Variants in ADGRL3 observed in about 807,000 individuals in gnomAD.
The protein encoded by ADGRL3 is calcium-independent alpha-latrotoxin receptor 3.
Under a neutral mutation model 153.5 loss-of-function variants are expected in ADGRL3, and 62 were observed. The observed-to-expected ratio is 0.40, with a 90% CI of 0.33 to 0.50. ADGRL3 has a LOEUF of 0.50. Among genes scored for constraint, ADGRL3 ranks in the 20% least tolerant of loss-of-function variants. ADGRL3 has a pLI of 0.47. For missense variants in ADGRL3, 1,641 were observed against 1,859.4 expected (o/e 0.88, Z 2.16); for synonymous variants, 710 against 672.5 (o/e 1.06, Z -0.86).
intron 5 of ADGRL3, among the ~76,000 whole-genome samples, chr4:61,590,997 A>G (rs1288715424): frequency 3.3e-5 from 5 of 152,184 alleles, no homozygotes; most frequent in Non-Finnish European, 7.4e-5. Flanking sequence ...GTACACCTCA[A>G]TGAATTTTCA....
chr4:61,707,532 T>C (rs1385406668), intron 6 of ADGRL3, among the ~76,000 whole-genome samples: 1 of 152,214 alleles, frequency 6.6e-6, no homozygotes, highest in Admixed American at 6.5e-5. Context: ...AGTTAGTTCA[T>C]ATTATTTTTT....
At chr4:61,581,898 C>A (rs1394060595) in intron 4 of ADGRL3, among the ~76,000 whole-genome samples, 1 of 152,052 alleles carries the variant, frequency 6.6e-6, no homozygotes, top group African/African-American at 2.4e-5. Flanking sequence ...CTATTTAAAA[C>A]AACCATCTTT....
chr4:61,677,021 C>A, intron 6 of ADGRL3, 86 bp downstream of exon 6: 1 of 868,794 alleles, frequency 1.2e-6, no homozygotes, highest in Non-Finnish European at 1.9e-6. Flanking sequence ...TCTATGAAAA[C>A]ATAAATCACG....
At chr4:61,491,034 A>G (rs188544282) in intron 2 of ADGRL3, among the ~76,000 whole-genome samples, 47 of 152,284 alleles carry the variant, frequency 3.1e-4, no homozygotes, top group East Asian at 7.7e-4. Context: ...CATACCAAAT[A>G]TATTAACATT....
chr4:61,547,754 C>G (rs531001674), intron 4 of ADGRL3, among the ~76,000 whole-genome samples: 1 of 151,998 alleles, frequency 6.6e-6, no homozygotes, highest in East Asian at 1.9e-4. Context: ...ATTTATATTC[C>G]TTTGGGTATA....
At chr4:61,324,757 AG>A (rs1254688047) in intron 1 of ADGRL3, among the ~76,000 whole-genome samples, 2 of 152,170 alleles carry the variant, frequency 1.3e-5, no homozygotes, top group Non-Finnish European at 2.9e-5. Context: ...TTTAGATTTA[AG>A]ATTTTTAACA....
At chr4:61,863,710 T>G (rs1359845697) in intron 9 of ADGRL3, among the ~76,000 whole-genome samples, 2 of 152,218 alleles carry the variant, frequency 1.3e-5, no homozygotes, top group Admixed American at 6.5e-5. Context: ...GGGAGGAATT[T>G]AGGCATTTTG....
intron 2 of ADGRL3, among the ~76,000 whole-genome samples, chr4:61,410,294 A>G (rs1010344956): frequency 1.3e-5 from 2 of 152,114 alleles, no homozygotes; most frequent in African/African-American, 4.8e-5. Flanking sequence ...ATTCTTGTAT[A>G]TTCTCAACGA....
intron 2 of ADGRL3, among the ~76,000 whole-genome samples, chr4:61,424,329 C>T (rs1384083900): frequency 1.3e-5 from 2 of 152,144 alleles, no homozygotes. Flanking sequence ...GCCGCACAGC[C>T]ATTTTCCTTA....
chr4:61,225,914 T>A (rs1747739478), intron 1 of ADGRL3, among the ~76,000 whole-genome samples: 2 of 152,194 alleles, frequency 1.3e-5, no homozygotes, highest in Non-Finnish European at 2.9e-5. Context: ...ATTTCCCTTG[T>A]CTTCTTTAAT....
chr4:62,001,985 A>G (rs1219835229), intron 21 of ADGRL3, among the ~76,000 whole-genome samples: 1 of 152,004 alleles, frequency 6.6e-6, no homozygotes, highest in Non-Finnish European at 1.5e-5. Context: ...GTTCTTTCAC[A>G]CACATATATC....
intron 5 of ADGRL3, among the ~76,000 whole-genome samples, chr4:61,656,426 G>T (rs149452978): frequency 0.01 from 1,578 of 152,100 alleles, 31 homozygotes; most frequent in African/African-American, 0.035. Context: ...GCATGCAATG[G>T]CCTCAAGAAG....
chr4:61,404,469 A>T (rs927382365), intron 2 of ADGRL3, among the ~76,000 whole-genome samples: 1 of 152,052 alleles, frequency 6.6e-6, no homozygotes, highest in Non-Finnish European at 1.5e-5. Context: ...GAATAAATCC[A>T]TGGGCTATAA....
At chr4:61,749,475 A>G (rs1241940791) in intron 8 of ADGRL3, among the ~76,000 whole-genome samples, 1 of 152,206 alleles carries the variant, frequency 6.6e-6, no homozygotes, top group Non-Finnish European at 1.5e-5. Context: ...TCCAACAATG[A>G]TAGACTGGAT....
chr4:61,757,358 T>C (rs1002325012), intron 8 of ADGRL3, among the ~76,000 whole-genome samples: 2 of 152,222 alleles, frequency 1.3e-5, no homozygotes, highest in African/African-American at 2.4e-5. Context: ...GGAGGGTGTA[T>C]GTGTTGAGGA....
At chr4:61,374,756 C>T (rs1297432021) in intron 1 of ADGRL3, among the ~76,000 whole-genome samples, 1 of 152,022 alleles carries the variant, frequency 6.6e-6, no homozygotes, top group Admixed American at 6.6e-5. Context: ...TTATTTCCTT[C>T]TTTCTGCTTT....
intron 2 of ADGRL3, among the ~76,000 whole-genome samples, chr4:61,428,894 CATCTATCT>C (rs5858699): frequency 0.16 from 15,814 of 97,270 alleles, 1,054 homozygotes; most frequent in East Asian, 0.27. Context: ...CTATCTATAT[CATCTATCT>C]ATCTATCTAT....
intron 1 of ADGRL3, among the ~76,000 whole-genome samples, chr4:61,333,079 G>A (rs2150995712): frequency 6.6e-6 from 1 of 152,002 alleles, no homozygotes; most frequent in African/African-American, 2.4e-5. Flanking sequence ...ATTTTTATCT[G>A]TAGATAAAAA....
chr4:61,486,545 C>CAT (rs1370573184), intron 2 of ADGRL3, among the ~76,000 whole-genome samples: 1 of 152,114 alleles, frequency 6.6e-6, no homozygotes, highest in Non-Finnish European at 1.5e-5. Context: ...GTTGACCTAT[C>CAT]ATATACCAAG....
Sources: gnomAD v4.1 joint callset for allele counts (sites outside exome capture counted in the v4.1 genomes callset) on GRCh38, gnomAD v4.1.1 for gene constraint, MANE v1.5 for transcripts, NCBI Gene and HGNC (gene_info 2026-07-23, HGNC 2026-07-21) for gene names.